TAFA1: variants seen among roughly 807,000 people sequenced by gnomAD.
TAFA1 encodes the protein chemokine-like protein TAFA-1.
TAFA1 carries 4 observed loss-of-function variants against 18.5 expected under a neutral mutation model. The observed-to-expected ratio is 0.22, with a 90% CI of 0.11 to 0.49. The LOEUF is 0.49. Among genes scored for constraint, TAFA1 ranks in the 20% least tolerant of loss-of-function variants. TAFA1 has a pLI of 0.98. For synonymous variants in TAFA1, 56 were observed against 55.2 expected, an observed-to-expected ratio of 1.01 and a Z score of -0.06; for missense variants, 147 against 169.0, an observed-to-expected ratio of 0.87 and a Z score of 0.72.
At chr3:68,285,422 T>C (rs1423565816) in intron 2 of TAFA1, among the ~76,000 whole-genome samples, 2 of 152,066 alleles carry the variant, frequency 1.3e-5, no homozygotes, top group Non-Finnish European at 2.9e-5. Flanking sequence ...TATATGTGCA[T>C]ATATGCCTCA....
chr3:68,492,491 CATCTG>C (rs1160577390), intron 3 of TAFA1, among the ~76,000 whole-genome samples: 3 of 152,268 alleles, frequency 2.0e-5, no homozygotes, highest in Middle Eastern at 3.4e-3. Flanking sequence ...TCCCTGAATT[CATCTG>C]ATCTCTCCAT....
At chr3:68,439,483 C>T (rs780399551) in intron 3 of TAFA1, among the ~76,000 whole-genome samples, 58 of 135,584 alleles carry the variant, frequency 4.3e-4, no homozygotes, top group African/African-American at 8.8e-4. Flanking sequence ...AATCACAAGG[C>T]CTTACAACAG....
intron 2 of TAFA1, among the ~76,000 whole-genome samples, chr3:68,379,364 T>C (rs2069883701): frequency 1.3e-5 from 2 of 152,240 alleles, no homozygotes; most frequent in Non-Finnish European, 2.9e-5. Flanking sequence ...TGTAAATTTG[T>C]TTAAGTTCCT....
chr3:68,387,466 C>A (rs1297882486), intron 2 of TAFA1, among the ~76,000 whole-genome samples: 12 of 152,004 alleles, frequency 7.9e-5, no homozygotes. Context: ...GATTTTTATT[C>A]ATGCTATTCT....
At chr3:68,438,128 C>T (rs1417182207) in intron 3 of TAFA1, among the ~76,000 whole-genome samples, 1 of 152,080 alleles carries the variant, frequency 6.6e-6, no homozygotes, top group African/African-American at 2.4e-5. Flanking sequence ...GGAGATGGAG[C>T]TGGGCAGATT....
At chr3:68,201,240 C>A (rs1289783456) in intron 2 of TAFA1, among the ~76,000 whole-genome samples, 1 of 151,650 alleles carries the variant, frequency 6.6e-6, no homozygotes, top group Non-Finnish European at 1.5e-5. Flanking sequence ...GATCTGAGAG[C>A]AGACTTTTTA....
At chr3:68,398,771 A>T (rs1476220541) in intron 2 of TAFA1, among the ~76,000 whole-genome samples, 1 of 152,200 alleles carries the variant, frequency 6.6e-6, no homozygotes, top group Non-Finnish European at 1.5e-5. Context: ...TCTGCTCTTC[A>T]GATTATCAGT....
intron 3 of TAFA1, among the ~76,000 whole-genome samples, chr3:68,424,040 G>A (rs1381953052): frequency 3.9e-5 from 6 of 151,916 alleles, no homozygotes; most frequent in Admixed American, 2.0e-4. Context: ...TTTCTTTCAC[G>A]GCAGTGAAAA....
At chr3:68,091,371 G>C (rs1223648524) in intron 2 of TAFA1, among the ~76,000 whole-genome samples, 1 of 152,102 alleles carries the variant, frequency 6.6e-6, no homozygotes, top group African/African-American at 2.4e-5. Flanking sequence ...GCTTTTTGGA[G>C]CACAAAATAG....
chr3:68,104,944 G>T (rs1226288544), intron 2 of TAFA1, among the ~76,000 whole-genome samples: 3 of 152,118 alleles, frequency 2.0e-5, no homozygotes, highest in Non-Finnish European at 4.4e-5. Flanking sequence ...TTGAGTCACG[G>T]TTCTGCAGGC....
chr3:68,051,224 AT>A (rs1478672764), intron 2 of TAFA1, among the ~76,000 whole-genome samples: 1 of 152,150 alleles, frequency 6.6e-6, no homozygotes, highest in Non-Finnish European at 1.5e-5. Context: ...AAGTGAATAA[AT>A]GTTTCTATTA....
chr3:68,289,573 G>T (rs570937637), intron 2 of TAFA1, among the ~76,000 whole-genome samples: 23 of 132,562 alleles, frequency 1.7e-4, no homozygotes, highest in African/African-American at 6.4e-4. Context: ...CTGCTTTGTG[G>T]ACCAAAGTTG....
intron 2 of TAFA1, among the ~76,000 whole-genome samples, chr3:68,015,764 A>G (rs746759122): frequency 2.0e-5 from 3 of 152,170 alleles, no homozygotes; most frequent in Non-Finnish European, 4.4e-5. Flanking sequence ...GAAACCCAAG[A>G]TTCTCTTTTG....
At chr3:68,076,969 G>A (rs2064832969) in intron 2 of TAFA1, among the ~76,000 whole-genome samples, 1 of 152,136 alleles carries the variant, frequency 6.6e-6, no homozygotes, top group African/African-American at 2.4e-5. Context: ...TCCAGCACCT[G>A]TTGTTTCCTG....
In TAFA1 at chr3:68,344,654, G is replaced by A. The variant is rs148185956; in HGVS notation, c.119-72626G>A. Among the ~76,000 whole-genome samples, 6 of 152,196 alleles carry A rather than the reference G, an allele frequency of 3.9e-5. No homozygotes were observed. The East Asian group carries it at 1.2e-3, about 29-fold the overall frequency. On this transcript the variant is annotated intron_variant, in intron 2 of 4. Transcript: ENST00000478136. ...TTTCCCCCTAGCTTTGTGACTTTGG[G>A]TAGGTTACTTCTCTGTGTTTTAGGG...
In TAFA1 at chr3:68,341,397, G is replaced by C. The variant is rs200944900; in HGVS notation, c.119-75883G>C. ...GTGTCAGCTGGTGCACCCAGTGCAG[G>C]GTCTGCAAAATATCTCAAACACTGA... On this transcript the variant is annotated intron_variant, in intron 2 of 4. Coordinates refer to ENST00000478136, the MANE Select transcript of TAFA1 (RefSeq NM_213609.4). 1.1e-4 allele frequency among the ~76,000 whole-genome samples: 16 copies of C among 152,030 alleles called. No individual in the cohort carries two copies. The East Asian group carries it at 3.1e-3, about 29-fold the overall frequency.
intron 2 of TAFA1, among the ~76,000 whole-genome samples, chr3:68,170,857 C>A (rs969516364): frequency 4.2e-5 from 6 of 143,722 alleles, no homozygotes; most frequent in Admixed American, 3.4e-4. Flanking sequence ...GCTACACACA[C>A]ACAGAAACAC....
At chr3:68,287,570 C>A (rs1427802013) in intron 2 of TAFA1, among the ~76,000 whole-genome samples, 2 of 152,114 alleles carry the variant, frequency 1.3e-5, no homozygotes, top group African/African-American at 4.8e-5. Context: ...CCTGTGAGAA[C>A]CTTCTCACCA....
rs10566431 is a variant in TAFA1, at chr3:68,036,436, C to CAAAA, written c.118+29709_118+29712dup. Among the ~76,000 whole-genome samples, 14 of 98,670 alleles carry CAAAA rather than the reference C, an allele frequency of 1.4e-4. 2 individuals carry two copies. In the East Asian group the frequency reaches 3.8e-3, roughly 27 times the overall value. 64.7% of individuals were successfully genotyped at this position (98,670 alleles called of 152,430 possible). A position where few individuals can be genotyped will look rare whatever the true frequency, so the allele number is the denominator to read the frequency against. On this transcript the variant is annotated intron_variant, in intron 2 of 4. Coordinates refer to ENST00000478136, the MANE Select transcript of TAFA1 (RefSeq NM_213609.4). ...CCTTGGCGACAGAGTGAGACTCTGT[C>CAAAA]AAAAAAAAAAAAAAAAAAAAGGAAT...
Sources: allele counts gnomAD v4.1 joint callset (sites outside exome capture counted in the v4.1 genomes callset), GRCh38; gene constraint gnomAD v4.1.1; transcripts MANE v1.5; gene names NCBI Gene and HGNC (gene_info 2026-07-23, HGNC 2026-07-21).